TRPM3: variants seen among roughly 807,000 people sequenced by gnomAD.
TRPM3 encodes the protein transient receptor potential cation channel subfamily M member 3.
TRPM3 carries 77 observed loss-of-function variants against 181.2 expected under a neutral mutation model. The observed-to-expected ratio is 0.42, with a 90% CI of 0.35 to 0.51. TRPM3 has a LOEUF of 0.51. Ranked by LOEUF, TRPM3 falls within the 20% of genes least tolerant of loss-of-function variation. TRPM3 has a pLI of 0.01. For missense variants in TRPM3, 1,759 were observed against 2,196.7 expected, an observed-to-expected ratio of 0.80 and a Z score of 3.98; for synonymous variants, 745 against 796.4, an observed-to-expected ratio of 0.94 and a Z score of 1.09.
chr9:70,980,866 T>G (rs564669378), intron 1 of TRPM3, among the ~76,000 whole-genome samples: 1 of 152,228 alleles, frequency 6.6e-6, no homozygotes, highest in Non-Finnish European at 1.5e-5. Flanking sequence ...ACAGGCATAC[T>G]GTTATTGACT....
At chr9:71,367,489 TTC>T (rs1008279885) in intron 1 of TRPM3, among the ~76,000 whole-genome samples, 6 of 152,340 alleles carry the variant, frequency 3.9e-5, no homozygotes, top group Admixed American at 3.3e-4. Context: ...TGCAGTTTTT[TTC>T]TTTTTAATTT....
chr9:71,067,135 A>T (rs2062032565), intron 1 of TRPM3, among the ~76,000 whole-genome samples: 1 of 152,230 alleles, frequency 6.6e-6, no homozygotes, highest in Non-Finnish European at 1.5e-5. Flanking sequence ...CCTGACAGTG[A>T]ACATGTACAG....
intron 1 of TRPM3, among the ~76,000 whole-genome samples, chr9:71,351,970 G>A (rs937120627): frequency 6.6e-6 from 1 of 151,162 alleles, no homozygotes; most frequent in African/African-American, 2.4e-5. Context: ...CCGCCTCCTG[G>A]GTTCACACCA....
chr9:70,559,742 C>T (rs973562323), intron 22 of TRPM3, among the ~76,000 whole-genome samples: 2 of 152,162 alleles, frequency 1.3e-5, no homozygotes, highest in African/African-American at 4.8e-5. Flanking sequence ...AGATCAGTGA[C>T]ATTCTTCTTT....
chr9:71,413,278 T>C (rs1040091291), intron 1 of TRPM3, among the ~76,000 whole-genome samples: 2 of 152,170 alleles, frequency 1.3e-5, no homozygotes, highest in Middle Eastern at 3.4e-3. Flanking sequence ...TTATAACTCA[T>C]ATTTATTGAG....
At chr9:71,164,999 T>C (rs1459367005) in intron 1 of TRPM3, among the ~76,000 whole-genome samples, 1 of 152,208 alleles carries the variant, frequency 6.6e-6, no homozygotes, top group Non-Finnish European at 1.5e-5. Context: ...TTGATGTGTT[T>C]CTTCACATAC....
chr9:70,946,381 T>G (rs2096932713), intron 1 of TRPM3, among the ~76,000 whole-genome samples: 1 of 152,038 alleles, frequency 6.6e-6, no homozygotes, highest in South Asian at 2.1e-4. Flanking sequence ...GTACCAGCCA[T>G]GGGAGCTTGG....
intron 18 of TRPM3, among the ~76,000 whole-genome samples, chr9:70,611,246 C>T (rs1170449176): frequency 6.6e-6 from 1 of 150,796 alleles, no homozygotes; most frequent in Non-Finnish European, 1.5e-5. Flanking sequence ...ATCTGCTGTG[C>T]CTGCAATTAG....
rs747401266 is a variant in TRPM3, at chr9:70,625,198, G to A, written c.1802C>T (p.Pro601Leu). The change falls in exon 14 of 26, where the codon CCC becomes CTC. Residue 601 changes from proline to leucine, a missense_variant. Around this residue, in one of 8 missense-constraint regions of TRPM3, gnomAD observed 737 missense variants for 957.4 expected, o/e 0.77. Transcript: ENST00000677713. The surrounding 1 kb of genome is among the most constrained non-coding windows in gnomAD (Gnocchi z 4.8). ...FRTLYHNLFG[P>L]KRPKALKLLG... ...ATTTGCAGCCAGCCTCACCCTCTTGGGGCCGAAGAGGTTGTGGTAGAGGGT... is the reference window on the plus strand; with the variant it reads ...ATTTGCAGCCAGCCTCACCCTCTTGAGGCCGAAGAGGTTGTGGTAGAGGGT... The A allele has an allele frequency of 6.2e-7, 1 of 1,613,976 alleles. No individual in the cohort carries two copies. The highest frequency in any genetic ancestry group is 8.5e-7 in the Non-Finnish European group (1 of 1,179,980).
intron 1 of TRPM3, among the ~76,000 whole-genome samples, chr9:71,080,951 C>T (rs1399966645): frequency 6.6e-6 from 1 of 152,102 alleles, no homozygotes; most frequent in Non-Finnish European, 1.5e-5. Context: ...CTTCTATATA[C>T]ACATTCTGGA....
At chr9:71,399,943 T>C (rs541192332) in intron 1 of TRPM3, among the ~76,000 whole-genome samples, 19 of 152,272 alleles carry the variant, frequency 1.2e-4, no homozygotes, top group African/African-American at 4.3e-4. Context: ...TGTCAAAAGA[T>C]CAGGTTCTCT....
chr9:70,627,423 C>A (rs1408922721), intron 12 of TRPM3, among the ~76,000 whole-genome samples: 1 of 152,078 alleles, frequency 6.6e-6, no homozygotes, highest in Non-Finnish European at 1.5e-5. Flanking sequence ...CAGGTGTATG[C>A]CACCATGCCC....
At chr9:70,596,275 T>G (rs2059003824) in intron 21 of TRPM3, among the ~76,000 whole-genome samples, 1 of 152,230 alleles carries the variant, frequency 6.6e-6, no homozygotes, top group Admixed American at 6.5e-5. Flanking sequence ...CATTTTGAAT[T>G]TGAATTCTTC....
intron 1 of TRPM3, among the ~76,000 whole-genome samples, chr9:70,985,958 C>T (rs533076410): frequency 4.6e-5 from 7 of 152,274 alleles, no homozygotes; most frequent in African/African-American, 1.7e-4. Context: ...TATTATCACA[C>T]TCTGGCAGTT....
At chr9:71,278,996 TG>T (rs1160088252) in intron 1 of TRPM3, among the ~76,000 whole-genome samples, 2 of 141,018 alleles carry the variant, frequency 1.4e-5, no homozygotes, top group Admixed American at 1.6e-4. Flanking sequence ...GTAAGACTCA[TG>T]TCAAGTTCTC....
chr9:70,915,141 T>C (rs1243573251), intron 1 of TRPM3, among the ~76,000 whole-genome samples: 1 of 152,202 alleles, frequency 6.6e-6, no homozygotes, highest in Non-Finnish European at 1.5e-5. Context: ...TATGTGACCT[T>C]ACAGACAAAT....
chr9:70,919,706 C>T (rs1321553413), intron 1 of TRPM3, among the ~76,000 whole-genome samples: 2 of 151,764 alleles, frequency 1.3e-5, no homozygotes, highest in South Asian at 2.1e-4. Flanking sequence ...ATCTCTTGAT[C>T]CTGGGAGGTG....
intron 5 of TRPM3, among the ~76,000 whole-genome samples, chr9:70,838,040 T>G (rs1272474704): frequency 6.6e-6 from 1 of 152,178 alleles, no homozygotes; most frequent in Non-Finnish European, 1.5e-5. Flanking sequence ...AAATTATAAT[T>G]ACTATTATTG....
At chr9:70,781,397 G>A (rs956306854) in intron 7 of TRPM3, among the ~76,000 whole-genome samples, 34 of 150,884 alleles carry the variant, frequency 2.3e-4, no homozygotes, top group Non-Finnish European at 4.0e-4. Flanking sequence ...TTGTATAATG[G>A]CCTAGGTAGG....
Sources: allele counts gnomAD v4.1 joint callset (sites outside exome capture counted in the v4.1 genomes callset), GRCh38; gene constraint gnomAD v4.1.1; regional missense constraint gnomAD v4.1.1; non-coding constraint Gnocchi (gnomAD v3.1); transcripts MANE v1.5; gene names NCBI Gene and HGNC (gene_info 2026-07-23, HGNC 2026-07-21).